The following SYNE1 variants were observed in gnomAD, a reference collection of about 807,000 sequenced individuals.
The protein encoded by SYNE1 is spectrin repeat containing nuclear envelope protein 1.
SYNE1 carries 616 observed loss-of-function variants against 1,111.0 expected under a neutral mutation model. The ratio of observed to expected loss-of-function variants is 0.55; its 90% CI spans 0.52 to 0.59. The LOEUF is 0.59. SYNE1 is among the 20% of genes least tolerant of loss of function. The pLI is 0.00. For synonymous variants in SYNE1, 3,855 were observed against 3,825.8 expected (o/e 1.01, Z -0.28); for missense variants, 10,006 against 10,417.0 (o/e 0.96, Z 1.72).
chr6:152,594,297 C>T (rs1286046997), intron 3 of SYNE1, among the ~76,000 whole-genome samples: 1 of 152,116 alleles, frequency 6.6e-6, no homozygotes, highest in Non-Finnish European at 1.5e-5. Context: ...GCTGAGGAGA[C>T]CAGCATCACC....
intron 100 of SYNE1, among the ~76,000 whole-genome samples, chr6:152,265,428 T>C (rs1345006495): frequency 1.3e-5 from 2 of 152,124 alleles, no homozygotes; most frequent in East Asian, 1.9e-4. Context: ...TACCTTCAGT[T>C]GAGTGTCTAT....
chr6:152,594,453 A>G (rs1050234900), intron 3 of SYNE1, among the ~76,000 whole-genome samples: 2 of 152,210 alleles, frequency 1.3e-5, no homozygotes, highest in Non-Finnish European at 2.9e-5. Context: ...AAAGATGGAC[A>G]GGGAAGTGGT....
intron 3 of SYNE1, among the ~76,000 whole-genome samples, chr6:152,603,071 T>A (rs373709339): frequency 2.0e-5 from 3 of 152,244 alleles, no homozygotes; most frequent in South Asian, 2.1e-4. Context: ...AATTTCAGAC[T>A]CAGATCACTA....
At chr6:152,295,131 C>G (rs1280609703) in intron 93 of SYNE1, among the ~76,000 whole-genome samples, 2 of 152,188 alleles carry the variant, frequency 1.3e-5, no homozygotes, top group African/African-American at 4.8e-5. Context: ...AAATTCTCCT[C>G]TTGTGTAGCT....
chr6:152,580,627 C>T (rs981666410), intron 3 of SYNE1, among the ~76,000 whole-genome samples: 1 of 152,112 alleles, frequency 6.6e-6, no homozygotes. Flanking sequence ...TTTTCTTCTA[C>T]AGTTTTATAG....
chr6:152,376,334 T>A (rs1450570430), intron 58 of SYNE1, 47 bp downstream of exon 58: 1 of 1,599,870 alleles, frequency 6.3e-7, no homozygotes, highest in Non-Finnish European at 8.6e-7. Flanking sequence ...AGGTTAACTT[T>A]AGTTCACATC....
At chr6:152,150,826 C>T (rs1392042329) in intron 135 of SYNE1, among the ~76,000 whole-genome samples, 1 of 152,102 alleles carries the variant, frequency 6.6e-6, no homozygotes, top group Admixed American at 6.5e-5. Context: ...GGAATGAAAT[C>T]CCGACATAGG....
At chr6:152,172,723 G>A (rs1436490905) in intron 130 of SYNE1, among the ~76,000 whole-genome samples, 2 of 152,186 alleles carry the variant, frequency 1.3e-5, no homozygotes, top group African/African-American at 4.8e-5. Context: ...AGAAATTAGA[G>A]TGATGCGTCA....
In SYNE1 at chr6:152,502,723, T is replaced by C. The variant is rs2099036381; in HGVS notation, c.798A>G (p.Pro266=). 1 of 1,613,324 alleles carries C rather than the reference T, an allele frequency of 6.2e-7. No homozygotes were observed. The highest frequency in any genetic ancestry group is 8.5e-7 in the Non-Finnish European group (1 of 1,179,392). ...LDPEDVDVDK[P]DEKSIMTYVA... The stretch of plus-strand genomic sequence containing the variant: ...CATAGGTCATAATAGATTTCTCATC[T>C]GGTTTATCCACATCAACGTCTGAAA... The change falls in exon 10 of 146, where the codon CCA becomes CCG. Residue 266 remains proline (P), a synonymous_variant. Coordinates refer to ENST00000367255, the MANE Select transcript of SYNE1 (RefSeq NM_182961.4).
Position 152,401,924 on chromosome 6 carries a change from C to T in SYNE1, c.6826-583G>A, listed in dbSNP as rs567738870. On this transcript the variant is annotated intron_variant, in intron 46 of 145. Transcript: ENST00000367255. ...GAAAAACAATCTCAATTCCACAATT[C>T]AAACATCCTGGCCTATTTGGTAATG... Among the ~76,000 whole-genome samples, 147 of 152,302 alleles carry T rather than the reference C, an allele frequency of 9.7e-4. 1 individual carries two copies. Among genetic ancestry groups the T allele is most frequent in the Non-Finnish European group, 1.6e-3 (109 of 68,028 alleles).
intron 92 of SYNE1, among the ~76,000 whole-genome samples, chr6:152,301,283 G>A (rs959992643): frequency 1.3e-5 from 2 of 152,180 alleles, no homozygotes; most frequent in African/African-American, 2.4e-5. Flanking sequence ...AAACATTATA[G>A]TCACCAAAAT....
At chr6:152,390,599 T>TA in intron 52 of SYNE1, 147 bp from the exon 53 acceptor site, 1 of 727,724 alleles carries the variant, frequency 1.4e-6, no homozygotes, top group East Asian at 2.7e-5. Context: ...TATTGCAATA[T>TA]AATATTGACT....
At chr6:152,265,004 T>C (rs984191682) in intron 100 of SYNE1, among the ~76,000 whole-genome samples, 1 of 150,560 alleles carries the variant, frequency 6.6e-6, no homozygotes, top group African/African-American at 2.4e-5. Context: ...AGGTCCGGAG[T>C]TCAAGACCAG....
chr6:152,136,581 T>C lies in SYNE1; in HGVS notation c.25659+37A>G, dbSNP rs778170115. 3 of 1,610,332 alleles carry C rather than the reference T, an allele frequency of 1.9e-6. No individual in the cohort carries two copies. In the East Asian group the frequency reaches 6.7e-5, roughly 36 times the overall value. On this transcript the variant is annotated intron_variant, in intron 141 of 145. Coordinates refer to ENST00000367255, the MANE Select transcript of SYNE1 (RefSeq NM_182961.4). The stretch of plus-strand genomic sequence containing the variant: ...CACACTCAGCTAAATTGCTAATGTC[T>C]CTCTCTGAGTCACCTCCTGCCCAAA...
chr6:152,396,525 T>C (rs2097733355), intron 50 of SYNE1, among the ~76,000 whole-genome samples: 1 of 152,188 alleles, frequency 6.6e-6, no homozygotes, highest in Non-Finnish European at 1.5e-5. Context: ...AAAAATTATA[T>C]GCATTTATAT....
intron 75 of SYNE1, among the ~76,000 whole-genome samples, chr6:152,338,796 A>G (rs1048458165): frequency 6.6e-6 from 1 of 152,140 alleles, no homozygotes; most frequent in Non-Finnish European, 1.5e-5. Context: ...TGAACACCAC[A>G]CTTTACCAAT....
intron 87 of SYNE1, among the ~76,000 whole-genome samples, chr6:152,313,098 G>A (rs140231114): frequency 5.3e-5 from 8 of 152,266 alleles, no homozygotes; most frequent in East Asian, 3.9e-4. Flanking sequence ...AAATCACGGC[G>A]GAGATATGCT....
chr6:152,387,133 A>T lies in SYNE1; in HGVS notation c.8426T>A (p.Phe2809Tyr). 1 of 1,614,204 alleles carries T rather than the reference A, an allele frequency of 6.2e-7. No homozygotes were observed. The highest frequency in any genetic ancestry group is 8.5e-7 in the Non-Finnish European group (1 of 1,180,032). Reference protein sequence around the residue: ...ELYEKTEDESFKDTAQEELKT... With the variant: ...ELYEKTEDESYKDTAQEELKT... ...CAGCTCCTCTTGAGCTGTGTCCTTG[A>T]AAGACTCATCCTCTGTCTTTTCGTA... Residue 2809 changes from phenylalanine to tyrosine, a missense_variant, in exon 54 of 146, where the codon TTC (phenylalanine) becomes TAC (tyrosine). Physicochemically the swap from Phe to Tyr is conservative, Grantham distance 22. Around this residue, in one of 7 missense-constraint regions of SYNE1, gnomAD observed 4,955 missense variants for 5,017.2 expected, o/e 0.99. Coordinates refer to ENST00000367255, the MANE Select transcript of SYNE1 (RefSeq NM_182961.4).
At chr6:152,370,154 C>T (rs2097155979) in intron 59 of SYNE1, among the ~76,000 whole-genome samples, 1 of 152,010 alleles carries the variant, frequency 6.6e-6, no homozygotes, top group Admixed American at 6.6e-5. Context: ...ACTCTCTGGC[C>T]CACTTCTGAG....
Sources: allele counts gnomAD v4.1 joint callset (sites outside exome capture counted in the v4.1 genomes callset), GRCh38; gene constraint gnomAD v4.1.1; regional missense constraint gnomAD v4.1.1; transcripts MANE v1.5; gene names NCBI Gene and HGNC (gene_info 2026-07-23, HGNC 2026-07-21).